Variants in BCKDHB observed in about 807,000 individuals in gnomAD.
The protein encoded by BCKDHB is branched chain keto acid dehydrogenase E1 subunit beta.
Under a neutral mutation model 48.5 loss-of-function variants are expected in BCKDHB, and 41 were observed. That is an observed-to-expected ratio of 0.85 (90% CI 0.66 to 1.10). The LOEUF is 1.10. BCKDHB is among the 50% of genes least tolerant of loss of function. The probability of loss-of-function intolerance (pLI) is 0.00; values close to 1 mark genes in which losing one functional copy is unlikely to be tolerated. For missense variants in BCKDHB, 496 were observed against 494.2 expected, an observed-to-expected ratio of 1.00 and a Z score of -0.03; for synonymous variants, 201 against 174.8, an observed-to-expected ratio of 1.15 and a Z score of -1.18.
intron 3 of BCKDHB, among the ~76,000 whole-genome samples, chr6:80,141,064 T>G (rs1771181566): frequency 6.6e-6 from 1 of 152,210 alleles, no homozygotes; most frequent in Non-Finnish European, 1.5e-5. Flanking sequence ...TTTATCCATT[T>G]CTTCTAGATT....
At chr6:80,146,026 C>A (rs1294741324) in intron 3 of BCKDHB, among the ~76,000 whole-genome samples, 3 of 152,092 alleles carry the variant, frequency 2.0e-5, no homozygotes, top group Non-Finnish European at 4.4e-5. Context: ...CAGACAGCTA[C>A]AACACTGTTT....
intron 1 of BCKDHB, among the ~76,000 whole-genome samples, chr6:80,114,119 G>A (rs1769558241): frequency 6.6e-6 from 1 of 152,088 alleles, no homozygotes; most frequent in African/African-American, 2.4e-5. Context: ...GTTGGGGTTG[G>A]GGTTTTCCTT....
the BCKDHB span, among the ~76,000 whole-genome samples, chr6:80,432,927 A>C: frequency 1.3e-5 from 2 of 152,088 alleles, no homozygotes; most frequent in Non-Finnish European, 2.9e-5. Flanking sequence ...CCTCTGCTGT[A>C]GGTCTGCTGG....
chr6:80,265,566 T>C (rs1777477946), intron 8 of BCKDHB, among the ~76,000 whole-genome samples: 3 of 152,068 alleles, frequency 2.0e-5, no homozygotes, highest in African/African-American at 7.2e-5. Context: ...GAGGAGTTAT[T>C]GTTTAATGGC....
chr6:80,359,025 CTG>C, the BCKDHB span, among the ~76,000 whole-genome samples: 4 of 152,194 alleles, frequency 2.6e-5, no homozygotes, highest in Non-Finnish European at 5.9e-5. Flanking sequence ...AGGATTTACT[CTG>C]GGGCTTTTTC....
At chr6:80,436,406 C>T in the BCKDHB span, among the ~76,000 whole-genome samples, 1 of 151,914 alleles carries the variant, frequency 6.6e-6, no homozygotes, top group African/African-American at 2.4e-5. Context: ...TCGTGATCCA[C>T]CCGCCTTGGC....
chr6:80,374,628 G>A, the BCKDHB span: 2 of 530,828 alleles, frequency 3.8e-6, no homozygotes, highest in African/African-American at 1.9e-5. Context: ...TTTAAGTGGA[G>A]CATTTAGGCC....
the BCKDHB span, among the ~76,000 whole-genome samples, chr6:80,386,025 C>T: frequency 6.6e-6 from 1 of 152,112 alleles, no homozygotes; most frequent in Admixed American, 6.5e-5. Flanking sequence ...GCTAGAAATG[C>T]CTGATCTCCC....
At chr6:80,392,686 T>G in the BCKDHB span, among the ~76,000 whole-genome samples, 1 of 151,746 alleles carries the variant, frequency 6.6e-6, no homozygotes, top group Admixed American at 6.6e-5. Context: ...TTTTCAGAGA[T>G]ATACTTTTTC....
In BCKDHB at chr6:80,118,523, TA is replaced by T. The variant is rs899385167; in HGVS notation, c.197-9012del. Among the ~76,000 whole-genome samples, 726 of 143,134 alleles carry T rather than the reference TA, an allele frequency of 5.1e-3. 1 individual carries two copies. Among genetic ancestry groups the T allele is most frequent in the Non-Finnish European group, 5.8e-3 (377 of 64,890 alleles). 93.9% of individuals were successfully genotyped at this position (143,134 alleles called of 152,430 possible). The stretch of plus-strand genomic sequence containing the variant: ...GTTGTGGTGGCTGTGGCAACTTCAT[TA>T]AAAAAAAAAAAGACAACAATGAAGT... On this transcript the variant is annotated intron_variant, in intron 1 of 9. Transcript: ENST00000320393.
At chr6:80,310,994 A>G (rs1768124831) in intron 9 of BCKDHB, among the ~76,000 whole-genome samples, 1 of 152,046 alleles carries the variant, frequency 6.6e-6, no homozygotes, top group South Asian at 2.1e-4. Context: ...AATGCTGGAT[A>G]TTAGACTTTT....
chr6:80,352,119 C>T, the BCKDHB span, among the ~76,000 whole-genome samples: 511 of 150,918 alleles, frequency 3.4e-3, 3 homozygotes, highest in African/African-American at 0.012. Flanking sequence ...CCACTGCGCC[C>T]GGCTTTTTGT....
chr6:80,205,478 A>G (rs1774602586), intron 8 of BCKDHB, among the ~76,000 whole-genome samples: 1 of 152,054 alleles, frequency 6.6e-6, no homozygotes, highest in Non-Finnish European at 1.5e-5. Context: ...ACACATTATC[A>G]TACTCTATAC....
the BCKDHB span, among the ~76,000 whole-genome samples, chr6:80,402,789 A>G: frequency 1.3e-5 from 2 of 151,794 alleles, no homozygotes; most frequent in Admixed American, 1.3e-4. Flanking sequence ...TGTATGGTGT[A>G]AGATATGAAT....
At chr6:80,433,985 A>G in the BCKDHB span, among the ~76,000 whole-genome samples, 1 of 152,030 alleles carries the variant, frequency 6.6e-6, no homozygotes, top group South Asian at 2.1e-4. Context: ...CAAATGCTTG[A>G]CCACTTAATA....
chr6:80,198,074 G>A (rs1022259752), intron 6 of BCKDHB, among the ~76,000 whole-genome samples: 4 of 152,140 alleles, frequency 2.6e-5, no homozygotes, highest in Admixed American at 1.3e-4. Flanking sequence ...AATTGGGGCT[G>A]GCAATCTTTT....
intron 9 of BCKDHB, among the ~76,000 whole-genome samples, chr6:80,340,423 T>C (rs913588893): frequency 6.6e-6 from 1 of 152,192 alleles, no homozygotes; most frequent in African/African-American, 2.4e-5. Context: ...ACATATGTTA[T>C]TGTTCCACGT....
At chr6:80,369,552 C>T in the BCKDHB span, among the ~76,000 whole-genome samples, 1 of 152,194 alleles carries the variant, frequency 6.6e-6, no homozygotes, top group Non-Finnish European at 1.5e-5. Context: ...CTCTCTAGGT[C>T]CATTTCTAGC....
chr6:80,460,483 C>T, the BCKDHB span, among the ~76,000 whole-genome samples: 1 of 152,050 alleles, frequency 6.6e-6, no homozygotes, highest in Non-Finnish European at 1.5e-5. Flanking sequence ...AAATTTATTA[C>T]ATCTCTGAGT....
Sources: allele counts gnomAD v4.1 joint callset (sites outside exome capture counted in the v4.1 genomes callset), GRCh38; gene constraint gnomAD v4.1.1; transcripts MANE v1.5; gene names NCBI Gene and HGNC (gene_info 2026-07-23, HGNC 2026-07-21).